Variants in RAB11FIP4 observed in about 807,000 individuals in gnomAD.
RAB11FIP4 encodes RAB11 family interacting protein 4.
In RAB11FIP4, 23 loss-of-function variants were observed where a neutral mutation model predicts 74.3. The observed-to-expected ratio is 0.31, with a 90% confidence interval of 0.22 to 0.44. The LOEUF (loss-of-function observed/expected upper bound fraction) is 0.44, where lower values mean the gene tolerates loss of function less well. RAB11FIP4 is among the 20% of genes least tolerant of loss of function. The probability of loss-of-function intolerance (pLI) is 1.00; values close to 1 mark genes in which losing one functional copy is unlikely to be tolerated. For missense variants in RAB11FIP4, 630 were observed against 863.9 expected (o/e 0.73, Z 3.39); for synonymous variants, 360 against 359.9 (o/e 1.00, Z 0.00).
At chr17:31,410,577 G>A (rs1006035300) in intron 1 of RAB11FIP4, among the ~76,000 whole-genome samples, 4 of 152,082 alleles carry the variant, frequency 2.6e-5, no homozygotes, top group African/African-American at 9.7e-5. Context: ...GGCCAGGCAT[G>A]GTGGTGCGCA....
chr17:31,506,087 A>T (rs2072343422), intron 3 of RAB11FIP4, among the ~76,000 whole-genome samples: 1 of 152,200 alleles, frequency 6.6e-6, no homozygotes, highest in African/African-American at 2.4e-5. Flanking sequence ...TGTTAGATGC[A>T]TAGATATAAA....
chr17:31,461,814 AC>A (rs1432524059), intron 3 of RAB11FIP4, among the ~76,000 whole-genome samples: 1 of 151,936 alleles, frequency 6.6e-6, no homozygotes, highest in East Asian at 1.9e-4. Context: ...GAATCTCACT[AC>A]AGATACAGAA....
intron 1 of RAB11FIP4, among the ~76,000 whole-genome samples, chr17:31,407,290 C>T (rs1285811078): frequency 6.6e-6 from 1 of 152,026 alleles, no homozygotes; most frequent in South Asian, 2.1e-4. Flanking sequence ...ATCAAGCAAT[C>T]CTCCTGCCTC....
At chr17:31,498,228 G>A (rs1232604129) in intron 3 of RAB11FIP4, among the ~76,000 whole-genome samples, 5 of 152,166 alleles carry the variant, frequency 3.3e-5, no homozygotes, top group African/African-American at 9.7e-5. Flanking sequence ...TCCCCACTGC[G>A]AGAAAGCCTG....
At position 31,521,948 on chromosome 17, in the gene RAB11FIP4, G is replaced by T. The variant is rs756087814; in HGVS notation, c.792G>T (p.Val264=). Residue 264 remains valine, a synonymous_variant, in exon 6 of 15, where the codon GTG becomes GTT. Coordinates refer to ENST00000621161, the MANE Select transcript of RAB11FIP4 (RefSeq NM_032932.6). ...AGQTPRKMRH[V]YNSELLDVYC... is the part of the protein sequence containing the mutation. ...AGACGCCTAGGAAAATGCGGCACGTGTACAACAGCGAATTGCTAGATGTTT... is the reference window on the plus strand; with the variant it reads ...AGACGCCTAGGAAAATGCGGCACGTTTACAACAGCGAATTGCTAGATGTTT... 1.9e-6 allele frequency: 3 copies of T among 1,614,050 alleles called. No homozygotes were observed. The highest frequency in any genetic ancestry group is 2.5e-6 in the Non-Finnish European group (3 of 1,180,044).
At chr17:31,409,981 A>T (rs1207326654) in intron 1 of RAB11FIP4, among the ~76,000 whole-genome samples, 1 of 151,638 alleles carries the variant, frequency 6.6e-6, no homozygotes, top group Non-Finnish European at 1.5e-5. Flanking sequence ...TCAGAGGTCA[A>T]CTCCCAGATT....
chr17:31,423,402 C>G (rs1038297553), intron 1 of RAB11FIP4, among the ~76,000 whole-genome samples: 9 of 152,160 alleles, frequency 5.9e-5, no homozygotes, highest in African/African-American at 1.7e-4. Context: ...GGGTCTTGCT[C>G]TGTCACCTAG....
chr17:31,463,802 A>AATTTT (rs2071655772), intron 3 of RAB11FIP4, among the ~76,000 whole-genome samples: 2 of 14,210 alleles, frequency 1.4e-4, no homozygotes, highest in Non-Finnish European at 4.0e-4. Context: ...CTGCGCCTGG[A>AATTTT]CTTTTTTTTT....
At chr17:31,455,889 C>T (rs1008265636) in intron 3 of RAB11FIP4, among the ~76,000 whole-genome samples, 2 of 152,170 alleles carry the variant, frequency 1.3e-5, no homozygotes, top group African/African-American at 4.8e-5. Context: ...TCAGGGCTGA[C>T]GCTCCCAAGG....
chr17:31,416,879 C>T (rs912246240), intron 1 of RAB11FIP4, among the ~76,000 whole-genome samples: 8 of 152,272 alleles, frequency 5.3e-5, no homozygotes, highest in African/African-American at 1.9e-4. Context: ...GCCAGCTCTG[C>T]CGCTGTCAGC....
intron 3 of RAB11FIP4, among the ~76,000 whole-genome samples, chr17:31,466,111 T>G (rs2071684283): frequency 6.6e-6 from 1 of 152,028 alleles, no homozygotes; most frequent in Admixed American, 6.6e-5. Flanking sequence ...GCCACTGCAC[T>G]CCAGCTTGGG....
chr17:31,516,440 AC>A (rs1164451293), intron 3 of RAB11FIP4, among the ~76,000 whole-genome samples: 1 of 152,168 alleles, frequency 6.6e-6, no homozygotes, highest in Non-Finnish European at 1.5e-5. Context: ...CACAAACAAA[AC>A]AAAGAATGAA....
At chr17:31,523,698 TG>T in intron 8 of RAB11FIP4, 87 bp downstream of exon 8, 1 of 1,325,806 alleles carries the variant, frequency 7.5e-7, no homozygotes, top group Non-Finnish European at 1.1e-6. Flanking sequence ...TCTGGGGACT[TG>T]GGAGACCCTG....
Position 31,434,030 on chromosome 17 carries a change from G to C in RAB11FIP4, c.248-4G>C. 6.3e-7 allele frequency: 1 copy of C among 1,578,410 alleles called. No homozygotes were observed. ...CTGTCCCGTGTGTCTGCCTGTCTGC[G>C]CAGGGTGCGAGGAGCTGCTGAAGGA... On this transcript the variant is annotated splice_polypyrimidine_tract_variant and splice_region_variant and intron_variant, in intron 2 of 14. Transcript: ENST00000621161.
At chr17:31,499,130 G>A (rs1359090963) in intron 3 of RAB11FIP4, among the ~76,000 whole-genome samples, 1 of 152,198 alleles carries the variant, frequency 6.6e-6, no homozygotes, top group Non-Finnish European at 1.5e-5. Context: ...AACCAGAGAT[G>A]CAGTGGCTGC....
At chr17:31,452,929 C>T (rs889218197) in intron 3 of RAB11FIP4, among the ~76,000 whole-genome samples, 1 of 152,180 alleles carries the variant, frequency 6.6e-6, no homozygotes, top group African/African-American at 2.4e-5. Flanking sequence ...GTTCATTGCC[C>T]TAGTGTGGGA....
chr17:31,436,722 T>C (rs1347046071), intron 3 of RAB11FIP4, among the ~76,000 whole-genome samples: 2 of 152,116 alleles, frequency 1.3e-5, no homozygotes, highest in Non-Finnish European at 2.9e-5. Context: ...TGCAATCCTA[T>C]AGGTTTTTGT....
chr17:31,511,770 G>A (rs1331817407), intron 3 of RAB11FIP4, among the ~76,000 whole-genome samples: 1 of 152,234 alleles, frequency 6.6e-6, no homozygotes, highest in African/African-American at 2.4e-5. Flanking sequence ...CCACTCTGAG[G>A]CTGGGACGGC....
chr17:31,477,147 C>T (rs1251796870), intron 3 of RAB11FIP4, among the ~76,000 whole-genome samples: 3 of 152,318 alleles, frequency 2.0e-5, no homozygotes, highest in Middle Eastern at 3.4e-3. Context: ...GAGACAATTG[C>T]GGGGGACTCT....
Sources: allele counts gnomAD v4.1 joint callset (sites outside exome capture counted in the v4.1 genomes callset), GRCh38; gene constraint gnomAD v4.1.1; transcripts MANE v1.5; gene names NCBI Gene and HGNC (gene_info 2026-07-23, HGNC 2026-07-21).